PLVAP: variants seen among roughly 807,000 people sequenced by gnomAD.
The protein encoded by PLVAP is plasmalemma vesicle associated protein, also known as plasmalemma vesicle-associated protein.
In PLVAP, 34 loss-of-function variants were observed where a neutral mutation model predicts 43.1. The observed-to-expected ratio is 0.79, with a 90% CI of 0.60 to 1.05. PLVAP has a LOEUF of 1.05. Ranked by LOEUF, PLVAP falls within the 50% of genes least tolerant of loss-of-function variation. The pLI is 0.00. For synonymous variants in PLVAP, 241 were observed against 237.3 expected (o/e 1.02, Z -0.14); for missense variants, 574 against 593.4 (o/e 0.97, Z 0.34).
intron 5 of PLVAP, among the ~76,000 whole-genome samples, chr19:17,359,646 G>T (rs138537131): frequency 4.7e-5 from 7 of 147,588 alleles, no homozygotes; most frequent in African/African-American, 1.5e-4. Context: ...CTCATGATCC[G>T]CCCACCTCGG....
rs556564063 is a variant in PLVAP, at chr19:17,368,929, G to T, written c.370-2734C>A. 9.2e-5 allele frequency among the ~76,000 whole-genome samples: 14 copies of T among 152,260 alleles called. No individual in the cohort carries two copies. In the South Asian group the frequency reaches 2.9e-3, roughly 32 times the overall value. On this transcript the variant is annotated intron_variant, in intron 1 of 5. Transcript: ENST00000252590. The stretch of plus-strand genomic sequence containing the variant: ...GGAGGCGGAGGTTGCAGTGAGCCGA[G>T]ATCGCGTCTCTGCACTCCAGTCCAG...
At chr19:17,364,270 G>C (rs979080822) in intron 3 of PLVAP, among the ~76,000 whole-genome samples, 1 of 151,862 alleles carries the variant, frequency 6.6e-6, no homozygotes, top group Non-Finnish European at 1.5e-5. Context: ...TGTTTTAGTA[G>C]AGGCGAGGTT....
rs563440012 is a variant in PLVAP at position 17,360,658 on chromosome 19, G to C, written c.1241-49C>G. 15 of 1,587,860 alleles carry C rather than the reference G, an allele frequency of 9.4e-6. No individual in the cohort carries two copies. The South Asian group carries it at 1.6e-4, about 16-fold the overall frequency. On this transcript the variant is annotated intron_variant, in intron 4 of 5. Transcript: ENST00000252590. ...TTGACCTACAGCTTCAGTTGCCCCT[G>C]CCCCTGGGCTAGGGATGGGCTGGCA...
At chr19:17,369,998 G>A (rs1415812984) in intron 1 of PLVAP, among the ~76,000 whole-genome samples, 1 of 86,358 alleles carries the variant, frequency 1.2e-5, no homozygotes, top group Non-Finnish European at 2.0e-5. Flanking sequence ...GCGAGAGTCT[G>A]TCTAAAAAAA....
chr19:17,368,219 G>A (rs754473752), intron 1 of PLVAP, among the ~76,000 whole-genome samples: 39 of 151,786 alleles, frequency 2.6e-4, no homozygotes, highest in African/African-American at 9.0e-4. Flanking sequence ...TTACAGGCAC[G>A]CACCACCATG....
intron 5 of PLVAP, among the ~76,000 whole-genome samples, chr19:17,352,935 C>CT (rs1367842588): frequency 6.6e-6 from 1 of 152,206 alleles, no homozygotes; most frequent in African/African-American, 2.4e-5. Context: ...GGGACTCCTG[C>CT]TGTGCCAAAG....
At chr19:17,365,131 T>C (rs2074543221) in intron 3 of PLVAP, among the ~76,000 whole-genome samples, 155 bp downstream of exon 3, 1 of 152,094 alleles carries the variant, frequency 6.6e-6, no homozygotes, top group South Asian at 2.1e-4. Flanking sequence ...CCAAGCTCTA[T>C]CCTGATCCTA....
At chr19:17,369,600 A>C (rs1387248221) in intron 1 of PLVAP, among the ~76,000 whole-genome samples, 1 of 149,414 alleles carries the variant, frequency 6.7e-6, no homozygotes, top group Non-Finnish European at 1.5e-5. Flanking sequence ...GTGCCACCAC[A>C]CTCCAACCTG....
chr19:17,376,672 C>A (rs2074596443), intron 1 of PLVAP, among the ~76,000 whole-genome samples: 1 of 152,066 alleles, frequency 6.6e-6, no homozygotes, highest in South Asian at 2.1e-4. Flanking sequence ...ATGGCACATG[C>A]CTGTAATCCC....
In PLVAP at chr19:17,352,319, C is replaced by A. The variant is rs1299608689; in HGVS notation, c.*43G>T. The A allele has an allele frequency of 3.7e-6, 6 of 1,612,212 alleles. No individual in the cohort carries two copies. The highest frequency in any genetic ancestry group is 4.2e-6 in the Non-Finnish European group (5 of 1,178,820). Reference sequence around the variant, plus strand: ...GCATATCCCTGCATCCTCCGCAAACCGCCGAGTCGGGCCATCCCTTGGTCC... The same window carrying A: ...GCATATCCCTGCATCCTCCGCAAACAGCCGAGTCGGGCCATCCCTTGGTCC... On this transcript the variant is annotated 3_prime_UTR_variant, in exon 6 of 6. Transcript: ENST00000252590.
intron 1 of PLVAP, among the ~76,000 whole-genome samples, chr19:17,370,161 G>C (rs919972326): frequency 1.3e-5 from 2 of 152,126 alleles, no homozygotes; most frequent in Admixed American, 6.6e-5. Flanking sequence ...GTGTTGATGA[G>C]GATGTGGGGA....
At chr19:17,371,530 C>T (rs2074572158) in intron 1 of PLVAP, among the ~76,000 whole-genome samples, 1 of 151,992 alleles carries the variant, frequency 6.6e-6, no homozygotes, top group African/African-American at 2.4e-5. Flanking sequence ...CACTCTGCCA[C>T]CCAGGCTGGA....
In PLVAP at chr19:17,360,599, G is replaced by A; in HGVS notation, c.1251C>T (p.Ser417=). The change falls in exon 5 of 6, where the codon AGC becomes AGT. Residue 417 remains serine (S), a synonymous_variant. Transcript: ENST00000252590. ...VPNPQPIDPA[S]LEEFKRKILE... is the part of the protein sequence containing the mutation. ...GGATCTTCCTCTTGAACTCCTCCAGGCTAGCTGGGTCTGTGGAGGGAGAGA... is the reference window on the plus strand; with the variant it reads ...GGATCTTCCTCTTGAACTCCTCCAGACTAGCTGGGTCTGTGGAGGGAGAGA... 1 of 1,612,994 alleles carries A rather than the reference G, an allele frequency of 6.2e-7. No homozygotes were observed. The highest frequency in any genetic ancestry group is 8.5e-7 in the Non-Finnish European group (1 of 1,179,432).
intron 1 of PLVAP, among the ~76,000 whole-genome samples, chr19:17,374,033 G>A (rs568576061): frequency 2.6e-5 from 4 of 152,186 alleles, no homozygotes; most frequent in East Asian, 1.9e-4. Context: ...ATGGTGGGGC[G>A]CACCTGCAAT....
chr19:17,364,376 C>T (rs968816778), intron 3 of PLVAP, among the ~76,000 whole-genome samples: 1 of 152,090 alleles, frequency 6.6e-6, no homozygotes, highest in South Asian at 2.1e-4. Flanking sequence ...TGAGCCACCA[C>T]ACCCAGCCTG....
At position 17,377,304 on chromosome 19, in the gene PLVAP, G is replaced by T. The variant is rs572213793; in HGVS notation, c.-16C>A. 2 of 1,592,348 alleles carry T rather than the reference G, an allele frequency of 1.3e-6. No individual in the cohort carries two copies. Among genetic ancestry groups the T allele is most frequent in the East Asian group, 2.2e-5 (1 of 44,804 alleles). ...CCAGACCCATTTGCTCGATCCCGCC[G>T]TCCGGTGCACCGTCCCTGCTCACCA... is the stretch of plus-strand genomic sequence containing the variant. On this transcript the variant is annotated 5_prime_UTR_variant, in exon 1 of 6. Coordinates refer to ENST00000252590, the MANE Select transcript of PLVAP (RefSeq NM_031310.3).
chr19:17,361,210 C>T (rs896103460), intron 3 of PLVAP, among the ~76,000 whole-genome samples: 7 of 152,144 alleles, frequency 4.6e-5, no homozygotes, highest in Admixed American at 2.6e-4. Context: ...ACCACTGCAC[C>T]CGGCCAGGTT....
chr19:17,370,001 TAAAAAAAA>T (rs763532839), intron 1 of PLVAP, among the ~76,000 whole-genome samples: 2 of 88,794 alleles, frequency 2.3e-5, no homozygotes, highest in Admixed American at 1.4e-4. Flanking sequence ...AGAGTCTGTC[TAAAAAAAA>T]AAAAAAAAAA....
intron 1 of PLVAP, among the ~76,000 whole-genome samples, chr19:17,375,460 TA>T (rs377672060): frequency 3.3e-5 from 5 of 151,918 alleles, no homozygotes; most frequent in African/African-American, 1.2e-4. Flanking sequence ...ACTTACAGTT[TA>T]AAAAAAATGT....
Sources: gnomAD v4.1 joint callset for allele counts (sites outside exome capture counted in the v4.1 genomes callset) on GRCh38, gnomAD v4.1.1 for gene constraint, MANE v1.5 for transcripts, NCBI Gene and HGNC (gene_info 2026-07-23, HGNC 2026-07-21) for gene names.